Variants in ATP2A2 observed in about 807,000 individuals in gnomAD.
ATP2A2 encodes the protein sarcoplasmic/endoplasmic reticulum calcium ATPase 2.
ATP2A2 carries 14 observed loss-of-function variants against 109.3 expected under a neutral mutation model. The observed-to-expected ratio is 0.13, with a 90% CI of 0.08 to 0.20. The LOEUF (loss-of-function observed/expected upper bound fraction) is 0.20. Among genes scored for constraint, ATP2A2 ranks in the 10% least tolerant of loss-of-function variants. The pLI is 1.00. For synonymous variants in ATP2A2, 506 were observed against 490.9 expected (o/e 1.03, Z -0.41); for missense variants, 657 against 1,321.6 (o/e 0.50, Z 7.80).
chr12:110,347,105 C>T lies in ATP2A2; in HGVS notation c.*635C>T. 8.8e-7 allele frequency: 1 copy of T among 1,136,644 alleles called. No individual in the cohort carries two copies. Among genetic ancestry groups the T allele is most frequent in the South Asian group, 2.0e-5 (1 of 50,196 alleles). The allele number at this position is 1,136,644 out of a possible 1,614,324, so 70.4% of individuals were successfully genotyped here. On this transcript the variant is annotated 3_prime_UTR_variant, in exon 20 of 20. Coordinates refer to ENST00000539276, the MANE Select transcript of ATP2A2 (RefSeq NM_170665.4). ...TTGTGATGGTTCGTTCTGTTTACATCAGTTTTAACGAGAGGTATGCCTGTA... is the reference window on the plus strand; with the variant it reads ...TTGTGATGGTTCGTTCTGTTTACATTAGTTTTAACGAGAGGTATGCCTGTA...
chr12:110,324,474 T>C (rs1877565151), intron 6 of ATP2A2, among the ~76,000 whole-genome samples: 1 of 152,114 alleles, frequency 6.6e-6, no homozygotes, highest in Non-Finnish European at 1.5e-5. Context: ...CAGGCTATAG[T>C]GTAGTGCTGT....
At chr12:110,284,076 G>A (rs1872426107) in intron 3 of ATP2A2, among the ~76,000 whole-genome samples, 1 of 152,120 alleles carries the variant, frequency 6.6e-6, no homozygotes, top group African/African-American at 2.4e-5. Flanking sequence ...CTTTTCTGTG[G>A]TTTTCATTGA....
Position 110,348,389 on chromosome 12 carries a change from G to A in ATP2A2, c.*1919G>A. 2.0e-6 allele frequency: 2 copies of A among 985,512 alleles called. No individual in the cohort carries two copies. Among genetic ancestry groups the A allele is most frequent in the Non-Finnish European group, 2.4e-6 (2 of 830,020 alleles). The allele number at this position is 985,512 out of a possible 1,614,324, so 61.0% of individuals were successfully genotyped here. On this transcript the variant is annotated 3_prime_UTR_variant, in exon 20 of 20. Transcript: ENST00000539276. ...AACCAGCTTACTCCTTAGCCAGGGT[G>A]TGAGGCCTCGACTATATTCTTCAAA... is the stretch of plus-strand genomic sequence containing the variant.
intron 5 of ATP2A2, among the ~76,000 whole-genome samples, chr12:110,308,165 C>T (rs1875586507): frequency 6.6e-6 from 1 of 152,156 alleles, no homozygotes; most frequent in Non-Finnish European, 1.5e-5. Context: ...TATACAAGAT[C>T]ATGCATTTGC....
chr12:110,342,575 G>A lies in ATP2A2; in HGVS notation c.2318+127G>A, dbSNP rs996746147. 37 of 1,150,602 alleles carry A rather than the reference G, an allele frequency of 3.2e-5. No homozygotes were observed. The East Asian group carries it at 8.7e-4, about 27-fold the overall frequency. The allele number at this position is 1,150,602 out of a possible 1,614,324, so 71.3% of individuals were successfully genotyped here. A position where few individuals can be genotyped will look rare whatever the true frequency, so the allele number is the denominator to read the frequency against. ...TTTGTGCCTGAGTTGGAAGAGGGGA[G>A]TGGGCAAGACAGAAATGCCTTATGG... On this transcript the variant is annotated intron_variant, in intron 15 of 19. Coordinates refer to ENST00000539276, the MANE Select transcript of ATP2A2 (RefSeq NM_170665.4). The surrounding 1 kb of genome is among the most constrained non-coding windows in gnomAD (Gnocchi z 4.6).
intron 8 of ATP2A2, among the ~76,000 whole-genome samples, 158 bp downstream of exon 8, chr12:110,328,175 C>T (rs1366267200): frequency 6.6e-6 from 1 of 151,922 alleles, no homozygotes; most frequent in Admixed American, 6.6e-5. Context: ...AGGATCTAAT[C>T]ATTTAATTCC....
Position 110,339,597 on chromosome 12 carries a change from C to G in ATP2A2, c.1637C>G (p.Ser546Cys). Residue 546 changes from serine to cysteine, a missense_variant, in exon 13 of 20, where the codon TCT becomes TGT. Transcript: ENST00000539276. This position sits in a 1 kb window ranked among gnomAD's most constrained non-coding sequence, Gnocchi z 4.4. ...MTSGVKQKIM[S>C]VIREWGSGSD... Reference sequence around the variant, plus strand: ...TCTGGAGTCAAACAGAAGATCATGTCTGTCATTCGAGAGTGGGGTAGTGGC... The same window carrying G: ...TCTGGAGTCAAACAGAAGATCATGTGTGTCATTCGAGAGTGGGGTAGTGGC... The G allele has an allele frequency of 6.2e-7, 1 of 1,614,200 alleles. No homozygotes were observed. The highest frequency in any genetic ancestry group is 1.7e-5 in the Admixed American group (1 of 60,026).
chr12:110,294,598 G>T (rs905442932), intron 4 of ATP2A2, among the ~76,000 whole-genome samples: 4 of 152,010 alleles, frequency 2.6e-5, no homozygotes, highest in African/African-American at 9.7e-5. Context: ...GCAGTGAGCC[G>T]AGATGATGCC....
Position 110,340,803 on chromosome 12 carries a change from C to T in ATP2A2, c.1906C>T (p.Arg636Cys). The change falls in exon 14 of 20, where the codon CGC (arginine) becomes TGC (cysteine). Residue 636 changes from arginine (R) to cysteine (C), a missense_variant. Physicochemically the swap from Arg to Cys is radical, Grantham distance 180. Transcript: ENST00000539276. This position sits in a 1 kb window ranked among gnomAD's most constrained non-coding sequence, Gnocchi z 6.0. Reference protein sequence around the residue: ...DNKGTAVAICRRIGIFGQDED... With the variant: ...DNKGTAVAICCRIGIFGQDED... ...CAAGGGCACTGCTGTGGCCATCTGT[C>T]GCCGCATCGGCATCTTCGGGCAGGA... The T allele has an allele frequency of 1.9e-6, 3 of 1,614,178 alleles. No homozygotes were observed. The highest frequency in any genetic ancestry group is 2.5e-6 in the Non-Finnish European group (3 of 1,180,038).
intron 4 of ATP2A2, among the ~76,000 whole-genome samples, chr12:110,294,918 CAA>C (rs766804339): frequency 1.1e-4 from 17 of 151,928 alleles, no homozygotes; most frequent in Non-Finnish European, 2.2e-4. Flanking sequence ...CTCCCGGACT[CAA>C]GAGATTCTCC....
At chr12:110,301,019 G>A (rs1007401558) in intron 5 of ATP2A2, among the ~76,000 whole-genome samples, 2 of 152,014 alleles carry the variant, frequency 1.3e-5, no homozygotes, top group Admixed American at 6.6e-5. Context: ...AGTTTCTCCA[G>A]CTTCTTCTTG....
chr12:110,324,526 G>A (rs772853648), intron 6 of ATP2A2, among the ~76,000 whole-genome samples: 4 of 152,010 alleles, frequency 2.6e-5, no homozygotes, highest in Admixed American at 6.6e-5. Context: ...GATTCAAGCT[G>A]TTCTCCTGCC....
chr12:110,309,174 T>G (rs112138853), intron 5 of ATP2A2, among the ~76,000 whole-genome samples: 1 of 130,324 alleles, frequency 7.7e-6, no homozygotes, highest in African/African-American at 2.9e-5. Flanking sequence ...TTTTTTTTTT[T>G]TGAGATGGAA....
Position 110,343,316 on chromosome 12 carries a change from G to T in ATP2A2, c.2403G>T (p.Leu801=), listed in dbSNP as rs577602550. 1.5e-5 allele frequency: 24 copies of T among 1,614,170 alleles called. No homozygotes were observed. In the South Asian group the frequency reaches 2.6e-4, roughly 18 times the overall value. Residue 801 remains leucine (L), a synonymous_variant, in exon 16 of 20, where the codon CTG becomes CTT. Transcript: ENST00000539276. ...LLWVNLVTDG[L]PATALGFNPP... The stretch of plus-strand genomic sequence containing the variant: ...GGGTCAATCTGGTGACAGATGGCCT[G>T]CCTGCCACTGCACTGGGGTTCAACC...
rs772303786 is a variant in ATP2A2 at position 110,327,768 on chromosome 12, G to A, written c.846G>A (p.Pro282=). 3.7e-6 allele frequency: 6 copies of A among 1,613,982 alleles called. No homozygotes were observed. The highest frequency in any genetic ancestry group is 2.2e-5 in the East Asian group (1 of 44,904). ...TAAATATTGGGCACTTCAATGACCC[G>A]GTTCATGGAGGGTCCTGGATCAGAG... ...WIINIGHFND[P]VHGGSWIRGA... The change falls in exon 8 of 20, where the codon CCG becomes CCA. Residue 282 remains proline (P), a synonymous_variant. Coordinates refer to ENST00000539276, the MANE Select transcript of ATP2A2 (RefSeq NM_170665.4). The surrounding 1 kb of genome is among the most constrained non-coding windows in gnomAD (Gnocchi z 4.4).
intron 4 of ATP2A2, 80 bp from the exon 5 acceptor site, chr12:110,296,517 CCT>C: frequency 6.4e-7 from 1 of 1,564,110 alleles, no homozygotes; most frequent in Non-Finnish European, 8.8e-7. Context: ...AAAGATTAGA[CCT>C]CTAACATTTT....
chr12:110,283,562 T>C (rs1189251476), intron 3 of ATP2A2, among the ~76,000 whole-genome samples: 1 of 152,206 alleles, frequency 6.6e-6, no homozygotes, highest in Non-Finnish European at 1.5e-5. Flanking sequence ...TTTTTTTAAA[T>C]GTTCGGTATT....
At chr12:110,323,646 C>CA (rs1304862291) in intron 6 of ATP2A2, among the ~76,000 whole-genome samples, 1 of 152,112 alleles carries the variant, frequency 6.6e-6, no homozygotes, top group Non-Finnish European at 1.5e-5. Flanking sequence ...CCCGTATCTA[C>CA]AAAAAATACA....
chr12:110,303,243 A>G (rs994900230), intron 5 of ATP2A2, among the ~76,000 whole-genome samples: 1 of 152,130 alleles, frequency 6.6e-6, no homozygotes. Context: ...ATAATATTAT[A>G]CAGACAGAGT....
Sources: gnomAD v4.1 joint callset for allele counts (sites outside exome capture counted in the v4.1 genomes callset) on GRCh38, gnomAD v4.1.1 for gene constraint, Gnocchi (gnomAD v3.1) non-coding constraint, MANE v1.5 for transcripts, NCBI Gene and HGNC (gene_info 2026-07-23, HGNC 2026-07-21) for gene names.